The following NKAIN3 variants were observed in gnomAD, a reference collection of about 807,000 sequenced individuals.
The protein encoded by NKAIN3 is sodium/potassium-transporting ATPase subunit beta-1-interacting protein 3.
Under a neutral mutation model 30.2 loss-of-function variants are expected in NKAIN3, and 25 were observed. That is an observed-to-expected ratio of 0.83 (90% CI 0.60 to 1.16). NKAIN3 has a LOEUF of 1.16. Ranked by LOEUF, NKAIN3 falls within the 50% of genes most tolerant of loss-of-function variation. NKAIN3 has a pLI of 0.00. For missense variants in NKAIN3, 225 were observed against 254.1 expected (o/e 0.89, Z 0.78); for synonymous variants, 91 against 89.6 (o/e 1.02, Z -0.09).
intron 4 of NKAIN3, among the ~76,000 whole-genome samples, chr8:62,766,411 G>A (rs1245509479): frequency 2.0e-5 from 3 of 152,170 alleles, no homozygotes; most frequent in African/African-American, 7.2e-5. Flanking sequence ...TCCACCAGGT[G>A]TCTGCTAAAC....
intron 4 of NKAIN3, among the ~76,000 whole-genome samples, chr8:62,780,340 A>G (rs989481554): frequency 2.0e-5 from 3 of 152,156 alleles, no homozygotes; most frequent in African/African-American, 4.8e-5. Flanking sequence ...AGACAGATTT[A>G]TCAATGAATT....
At chr8:62,563,494 C>T (rs1042822217) in intron 1 of NKAIN3, among the ~76,000 whole-genome samples, 1 of 152,036 alleles carries the variant, frequency 6.6e-6, no homozygotes, top group Non-Finnish European at 1.5e-5. Flanking sequence ...GTCTTTAGTG[C>T]TGCTTGAAAA....
intron 4 of NKAIN3, among the ~76,000 whole-genome samples, chr8:62,852,115 T>C: frequency 6.6e-6 from 1 of 152,204 alleles, no homozygotes; most frequent in Non-Finnish European, 1.5e-5. Context: ...AGCTATTAAT[T>C]GTTGCCTCAA....
intron 4 of NKAIN3, among the ~76,000 whole-genome samples, chr8:62,815,596 A>C (rs1429878380): frequency 6.6e-6 from 1 of 152,208 alleles, no homozygotes; most frequent in African/African-American, 2.4e-5. Context: ...AATCCAGCAT[A>C]TAAACAGAAC....
intron 1 of NKAIN3, among the ~76,000 whole-genome samples, chr8:62,572,269 A>T (rs751619386): frequency 6.6e-6 from 1 of 152,166 alleles, no homozygotes; most frequent in African/African-American, 2.4e-5. Flanking sequence ...ACATAACAAG[A>T]GTCACCTTTG....
chr8:62,567,708 G>GT (rs1450931156), intron 1 of NKAIN3, among the ~76,000 whole-genome samples: 2 of 151,840 alleles, frequency 1.3e-5, no homozygotes, highest in Non-Finnish European at 2.9e-5. Flanking sequence ...AGCTGGAAAA[G>GT]TTAAAAAAAA....
intron 1 of NKAIN3, among the ~76,000 whole-genome samples, chr8:62,366,258 A>T (rs1459229760): frequency 2.8e-5 from 4 of 142,840 alleles, no homozygotes; most frequent in South Asian, 2.2e-4. Flanking sequence ...GTGGAGTCTC[A>T]CTCTGTCACC....
Position 62,248,937 on chromosome 8 carries a change from C to A in NKAIN3, c.-137C>A. ...ACAAAGGCGGGCGCGAGCCCCGAGC[C>A]CTGGAGCCGCGAGCGGCGGCCGCGG... On this transcript the variant is annotated 5_prime_UTR_variant, in exon 1 of 7. Transcript: ENST00000623646. 1.4e-6 allele frequency: 1 copy of A among 733,122 alleles called. No individual in the cohort carries two copies. The highest frequency in any genetic ancestry group is 2.1e-6 in the Non-Finnish European group (1 of 476,562). 45.4% of individuals were successfully genotyped at this position (733,122 alleles called of 1,614,324 possible).
chr8:62,613,787 T>G (rs1811362550), intron 3 of NKAIN3, among the ~76,000 whole-genome samples: 1 of 152,148 alleles, frequency 6.6e-6, no homozygotes, highest in Non-Finnish European at 1.5e-5. Flanking sequence ...GCTTGATCAA[T>G]TCTAATATTA....
intron 1 of NKAIN3, among the ~76,000 whole-genome samples, chr8:62,291,414 T>A (rs899329159): frequency 1.3e-5 from 2 of 152,244 alleles, no homozygotes; most frequent in African/African-American, 4.8e-5. Flanking sequence ...TTTGAATGTG[T>A]CCCAGAGTTT....
At chr8:62,696,356 A>C in intron 3 of NKAIN3, among the ~76,000 whole-genome samples, 1 of 152,180 alleles carries the variant, frequency 6.6e-6, no homozygotes, top group East Asian at 1.9e-4. Context: ...TAATGACTTA[A>C]TGCTCCCTGA....
chr8:62,289,967 A>T (rs1768186270), intron 1 of NKAIN3, among the ~76,000 whole-genome samples: 1 of 152,070 alleles, frequency 6.6e-6, no homozygotes, highest in South Asian at 2.1e-4. Flanking sequence ...CATCCCTTGT[A>T]AGTTGGATTC....
chr8:62,821,831 G>T (rs1331025236), intron 4 of NKAIN3, among the ~76,000 whole-genome samples: 2 of 151,944 alleles, frequency 1.3e-5, no homozygotes, highest in Non-Finnish European at 2.9e-5. Flanking sequence ...TTTACTAAAT[G>T]ACATTAAATT....
chr8:62,692,935 C>G (rs1212481284), intron 3 of NKAIN3, among the ~76,000 whole-genome samples: 3 of 152,186 alleles, frequency 2.0e-5, no homozygotes, highest in Non-Finnish European at 2.9e-5. Flanking sequence ...AAGACAATCT[C>G]CTTATTTTGC....
At chr8:62,288,179 T>C (rs4610736) in intron 1 of NKAIN3, among the ~76,000 whole-genome samples, 2,533 of 152,258 alleles carry the variant, frequency 0.017, 63 homozygotes, top group African/African-American at 0.055. Flanking sequence ...CGTGTTGGAC[T>C]GTGGGCTTCG....
intron 1 of NKAIN3, among the ~76,000 whole-genome samples, chr8:62,488,406 T>G (rs141743032): frequency 1.7e-4 from 26 of 152,312 alleles, no homozygotes; most frequent in African/African-American, 6.0e-4. Flanking sequence ...ATTATTACAC[T>G]TGCCTCATCA....
intron 4 of NKAIN3, among the ~76,000 whole-genome samples, chr8:62,866,301 A>G (rs1337777579): frequency 6.6e-6 from 1 of 152,246 alleles, no homozygotes; most frequent in Non-Finnish European, 1.5e-5. Flanking sequence ...TGGTATATAC[A>G]ATTTGCAGTG....
chr8:62,318,831 G>A (rs1322106629), intron 1 of NKAIN3, among the ~76,000 whole-genome samples: 5 of 152,134 alleles, frequency 3.3e-5, no homozygotes, highest in Non-Finnish European at 7.3e-5. Flanking sequence ...TTGGTATCAG[G>A]ATGATGCTGG....
At chr8:62,760,285 C>T (rs188567640) in intron 4 of NKAIN3, among the ~76,000 whole-genome samples, 1 of 152,150 alleles carries the variant, frequency 6.6e-6, no homozygotes, top group African/African-American at 2.4e-5. Context: ...GGTATATACC[C>T]AAAGGATTAT....
Sources: allele counts gnomAD v4.1 joint callset (sites outside exome capture counted in the v4.1 genomes callset), GRCh38; gene constraint gnomAD v4.1.1; transcripts MANE v1.5; gene names NCBI Gene and HGNC (gene_info 2026-07-23, HGNC 2026-07-21).